The following ALB variants were observed in gnomAD, a reference collection of about 807,000 sequenced individuals.
The protein encoded by ALB is serum albumin.
Under a neutral mutation model 74.5 loss-of-function variants are expected in ALB, and 37 were observed. The observed-to-expected ratio is 0.50, with a 90% CI of 0.38 to 0.65. The LOEUF (loss-of-function observed/expected upper bound fraction) is 0.65, where lower values mean the gene tolerates loss of function less well. ALB is among the 30% of genes least tolerant of loss of function. The pLI is 0.00. For synonymous variants in ALB, 249 were observed against 251.6 expected, an observed-to-expected ratio of 0.99 and a Z score of 0.10; for missense variants, 685 against 718.7, an observed-to-expected ratio of 0.95 and a Z score of 0.54.
intron 3 of ALB, among the ~76,000 whole-genome samples, chr4:73,408,130 A>G (rs992711527): frequency 1.3e-5 from 2 of 152,180 alleles, no homozygotes; most frequent in Non-Finnish European, 2.9e-5. Context: ...CACTTAATAT[A>G]TGATGGATTG....
rs2149329567 is a variant in ALB, at chr4:73,418,188, C to T, written c.1529C>T (p.Pro510Leu). Residue 510 changes from proline to leucine, a missense_variant, in exon 12 of 15, where the codon CCA becomes CTA. Transcript: ENST00000295897. ...CCTESLVNRR[P>L]CFSALEVDET... Reference sequence around the variant, plus strand: ...ACAGAATCCTTGGTGAACAGGCGACCATGCTTTTCAGCTCTGGAAGTCGAT... The same window carrying T: ...ACAGAATCCTTGGTGAACAGGCGACTATGCTTTTCAGCTCTGGAAGTCGAT... 6.2e-7 allele frequency: 1 copy of T among 1,614,134 alleles called. No individual in the cohort carries two copies. The highest frequency in any genetic ancestry group is 8.5e-7 in the Non-Finnish European group (1 of 1,180,018).
intron 10 of ALB, 43 bp downstream of exon 10, chr4:73,416,396 T>C: frequency 6.9e-7 from 1 of 1,458,580 alleles, no homozygotes; most frequent in South Asian, 1.2e-5. Context: ...CAATTTGTAA[T>C]TATTTAAGAC....
At chr4:73,405,866 G>C (rs926776503) in intron 2 of ALB, among the ~76,000 whole-genome samples, 5 of 152,056 alleles carry the variant, frequency 3.3e-5, no homozygotes, top group African/African-American at 1.2e-4. Flanking sequence ...GGGATTACAG[G>C]AGTGAGCCAC....
intron 13 of ALB, 61 bp downstream of exon 13, chr4:73,419,700 T>C: frequency 6.3e-7 from 1 of 1,583,476 alleles, no homozygotes; most frequent in South Asian, 1.1e-5. Flanking sequence ...TTGGTTAGGC[T>C]AGGGCTTAGG....
Position 73,418,304 on chromosome 4 carries a change from A to T in ALB, c.1645A>T (p.Lys549Ter), listed in dbSNP as rs2149329686. ...TTCTGAGAAGGAGAGACAAATCAAG[A>T]AACAAACGTGAGGAGTATTTCATTA... The part of the protein sequence containing the change: ...TLSEKERQIK[K>*]QTALVELVKH... Residue 549 changes from lysine (K) to a stop codon, truncating the protein, a stop_gained, in exon 12 of 15, where the codon AAA (lysine) becomes TAA (stop). Coordinates refer to ENST00000295897, the MANE Select transcript of ALB (RefSeq NM_000477.7). LOFTEE classifies it high-confidence loss of function. 6.2e-7 allele frequency: 1 copy of T among 1,612,754 alleles called. No homozygotes were observed. Among genetic ancestry groups the T allele is most frequent in the Non-Finnish European group, 8.5e-7 (1 of 1,179,126 alleles).
At chr4:73,407,348 T>C (rs895681829) in intron 3 of ALB, among the ~76,000 whole-genome samples, 21 of 152,180 alleles carry the variant, frequency 1.4e-4, no homozygotes, top group African/African-American at 4.1e-4. Flanking sequence ...ATATAAGTGG[T>C]ATTATGTACT....
At chr4:73,418,998 G>A (rs1719083555) in intron 12 of ALB, among the ~76,000 whole-genome samples, 1 of 151,952 alleles carries the variant, frequency 6.6e-6, no homozygotes, top group African/African-American at 2.4e-5. Flanking sequence ...ATTTTCTATA[G>A]CCTCCCCACT....
At chr4:73,409,579 A>G in intron 5 of ALB, 92 bp downstream of exon 5, 1 of 1,519,402 alleles carries the variant, frequency 6.6e-7, no homozygotes, top group Non-Finnish European at 9.1e-7. Flanking sequence ...AGTGTCTGAT[A>G]CAAACTTTCC....
chr4:73,409,870 T>C (rs964074550), intron 5 of ALB, among the ~76,000 whole-genome samples: 2 of 152,152 alleles, frequency 1.3e-5, no homozygotes, highest in African/African-American at 4.8e-5. Context: ...TTTTACTGCA[T>C]CTAGATGCCT....
At position 73,414,358 on chromosome 4, in the gene ALB, TAATAAA is replaced by T. The variant is rs1718961561; in HGVS notation, c.1059-671_1059-666del. Reference sequence around the variant, plus strand: ...ATGTAGTTTAAATCAAACAAAATGTTAATAAAAATAACAAGTATCATTCATCAAAGA... The same window carrying T: ...ATGTAGTTTAAATCAAACAAAATGTTAATAACAAGTATCATTCATCAAAGA... On this transcript the variant is annotated intron_variant, in intron 8 of 14. Coordinates refer to ENST00000295897, the MANE Select transcript of ALB (RefSeq NM_000477.7). 2.6e-5 allele frequency among the ~76,000 whole-genome samples: 4 copies of T among 152,336 alleles called. No homozygotes were observed. The South Asian group carries it at 8.3e-4, about 32-fold the overall frequency.
rs768525028 is a variant in ALB, at chr4:73,410,315, G to A, written c.619G>A (p.Asp207Asn). The change falls in exon 6 of 15, where the codon GAT becomes AAT. Residue 207 changes from aspartate (D) to asparagine (N), a missense_variant. Transcript: ENST00000295897. ...DKAACLLPKL[D>N]ELRDEGKASS... ...ATCAAATTATTCCTTTTTGTAGCTC[G>A]ATGAACTTCGGGATGAAGGGAAGGC... The A allele has an allele frequency of 2.5e-6, 4 of 1,613,212 alleles. No homozygotes were observed. Among genetic ancestry groups the A allele is most frequent in the Admixed American group, 1.7e-5 (1 of 59,978 alleles).
At chr4:73,412,251 T>C in intron 7 of ALB, 126 bp downstream of exon 7, 2 of 1,192,738 alleles carry the variant, frequency 1.7e-6, no homozygotes, top group Non-Finnish European at 2.5e-6. Flanking sequence ...GTCTGTCCTA[T>C]CTTCAATCTT....
chr4:73,419,050 G>A (rs1719084484), intron 12 of ALB, among the ~76,000 whole-genome samples: 2 of 151,776 alleles, frequency 1.3e-5, no homozygotes, highest in South Asian at 2.1e-4. Flanking sequence ...CAAATATAAA[G>A]TTTCTCATCT....
chr4:73,408,474 C>A (rs907421688), intron 3 of ALB, 120 bp from the exon 4 acceptor site: 1 of 867,786 alleles, frequency 1.2e-6, no homozygotes, highest in Non-Finnish European at 1.8e-6. Context: ...GGAGGGGAAG[C>A]GGATTTTTAA....
intron 6 of ALB, among the ~76,000 whole-genome samples, chr4:73,411,382 G>A (rs969629249): frequency 6.6e-6 from 1 of 152,156 alleles, no homozygotes; most frequent in Non-Finnish European, 1.5e-5. Flanking sequence ...TCTTGTCATA[G>A]AGTTTGAAGA....
In ALB at chr4:73,410,327, G is replaced by A; in HGVS notation, c.631G>A (p.Asp211Asn). 6.2e-7 allele frequency: 1 copy of A among 1,613,724 alleles called. No homozygotes were observed. Among genetic ancestry groups the A allele is most frequent in the Non-Finnish European group, 8.5e-7 (1 of 1,179,730 alleles). ...CTTTTTGTAGCTCGATGAACTTCGGGATGAAGGGAAGGCTTCGTCTGCCAA... is the reference window on the plus strand; with the variant it reads ...CTTTTTGTAGCTCGATGAACTTCGGAATGAAGGGAAGGCTTCGTCTGCCAA... The part of the protein sequence containing the change: ...CLLPKLDELR[D>N]EGKASSAKQR... Residue 211 changes from aspartate to asparagine, a missense_variant, in exon 6 of 15, where the codon GAT (aspartate) becomes AAT (asparagine). By Grantham distance (23) the Asp-to-Asn change is conservative. Transcript: ENST00000295897.
chr4:73,407,427 T>C (rs1718762764), intron 3 of ALB, among the ~76,000 whole-genome samples: 1 of 152,230 alleles, frequency 6.6e-6, no homozygotes, highest in South Asian at 2.1e-4. Flanking sequence ...TGTTGTTGCC[T>C]ATTGCAGAAT....
At chr4:73,411,298 G>A (rs1436951079) in intron 6 of ALB, among the ~76,000 whole-genome samples, 1 of 152,086 alleles carries the variant, frequency 6.6e-6, no homozygotes, top group Non-Finnish European at 1.5e-5. Context: ...GATTGGTTTT[G>A]GGAAAGAAGT....
intron 1 of ALB, 83 bp downstream of exon 1, chr4:73,404,489 A>G: frequency 3.3e-6 from 4 of 1,207,720 alleles, no homozygotes; most frequent in Non-Finnish European, 4.9e-6. Context: ...GCATCTTTAA[A>G]GAATTATTTT....
Sources: gnomAD v4.1 joint callset for allele counts (sites outside exome capture counted in the v4.1 genomes callset) on GRCh38, gnomAD v4.1.1 for gene constraint, MANE v1.5 for transcripts, NCBI Gene and HGNC (gene_info 2026-07-23, HGNC 2026-07-21) for gene names.